MAP4K3: variants seen among roughly 807,000 people sequenced by gnomAD.
The protein encoded by MAP4K3 is MAPK/ERK kinase kinase kinase 3.
A neutral mutation model predicts 143.5 loss-of-function variants in MAP4K3; 94 were observed. That is an observed-to-expected ratio of 0.65 (90% CI 0.55 to 0.78). The LOEUF is 0.78. MAP4K3 is among the 30% of genes least tolerant of loss of function. MAP4K3 has a pLI of 0.00. For missense variants in MAP4K3, 1,077 were observed against 1,068.1 expected (o/e 1.01, Z -0.12); for synonymous variants, 416 against 347.2 (o/e 1.20, Z -2.20).
intron 3 of MAP4K3, 74 bp from the exon 4 acceptor site, chr2:39,343,526 G>T: frequency 8.2e-7 from 1 of 1,225,662 alleles, no homozygotes; most frequent in Non-Finnish European, 1.2e-6. Context: ...AGTATTTTAA[G>T]GTTGTAAGCT....
chr2:39,370,216 A>C (rs561576303), intron 2 of MAP4K3, among the ~76,000 whole-genome samples: 18 of 152,340 alleles, frequency 1.2e-4, no homozygotes, highest in African/African-American at 4.1e-4. Context: ...TCTCCAGCTC[A>C]GTCAGCCTCA....
At position 39,293,277 on chromosome 2, in the gene MAP4K3, A is replaced by T. The variant is rs1341440318; in HGVS notation, c.1179-9T>A. 3.3e-6 allele frequency: 5 copies of T among 1,497,676 alleles called. No homozygotes were observed. The highest frequency in any genetic ancestry group is 4.5e-6 in the Non-Finnish European group (5 of 1,104,342). 92.8% of individuals were successfully genotyped at this position (1,497,676 alleles called of 1,614,324 possible). A position where few individuals can be genotyped will look rare whatever the true frequency, so the allele number is the denominator to read the frequency against. On this transcript the variant is annotated splice_polypyrimidine_tract_variant and intron_variant, in intron 16 of 33. Transcript: ENST00000263881. ...CAGACTTGAGAAGACTCCTTAAAAG[A>T]AAAAACAAAAACAAAAAATAATGTG...
intron 21 of MAP4K3, 131 bp downstream of exon 21, chr2:39,286,721 T>C (rs943566665): frequency 1.2e-5 from 5 of 420,124 alleles, no homozygotes; most frequent in Non-Finnish European, 2.1e-5. Context: ...TTATAATTAA[T>C]ATACTAAAAT....
intron 26 of MAP4K3, among the ~76,000 whole-genome samples, chr2:39,271,358 G>C (rs1681010870): frequency 6.6e-6 from 1 of 152,156 alleles, no homozygotes; most frequent in Non-Finnish European, 1.5e-5. Flanking sequence ...ATTGAGAACA[G>C]CAGATTCTCA....
chr2:39,386,820 C>CTTTTTT (rs56011585), intron 1 of MAP4K3, among the ~76,000 whole-genome samples: 6 of 139,150 alleles, frequency 4.3e-5, no homozygotes, highest in East Asian at 4.2e-4. Context: ...TTTTGTTGTT[C>CTTTTTT]TTTTTTTTTT....
intron 16 of MAP4K3, among the ~76,000 whole-genome samples, chr2:39,295,840 T>C (rs1682259715): frequency 6.6e-6 from 1 of 150,908 alleles, no homozygotes; most frequent in Non-Finnish European, 1.5e-5. Flanking sequence ...TGCCTCAGCC[T>C]CCCGAGTAGC....
At chr2:39,427,333 A>G (rs1665120258) in intron 1 of MAP4K3, among the ~76,000 whole-genome samples, 1 of 152,092 alleles carries the variant, frequency 6.6e-6, no homozygotes, top group African/African-American at 2.4e-5. Context: ...AAAAGAAAGA[A>G]AAAAAATCCT....
intron 16 of MAP4K3, among the ~76,000 whole-genome samples, chr2:39,299,513 A>G (rs1682422633): frequency 6.6e-6 from 1 of 152,202 alleles, no homozygotes; most frequent in South Asian, 2.1e-4. Context: ...TTTCTCTAAC[A>G]TACAAGATCA....
chr2:39,345,747 G>A (rs996159397), intron 3 of MAP4K3, among the ~76,000 whole-genome samples: 2 of 151,760 alleles, frequency 1.3e-5, no homozygotes, highest in African/African-American at 4.8e-5. Context: ...GTGAAACCAC[G>A]TCTCTACTAA....
chr2:39,325,773 G>GT lies in MAP4K3; in HGVS notation c.763dup (p.Thr255AsnfsTer11). The stretch of plus-strand genomic sequence containing the variant: ...AGTAGGTCTTTTTTTCGGATTTTTG[G>GT]TAAGTGCCATTTTCACAAAGTGATG... On this transcript the variant is annotated frameshift_variant, in exon 11 of 34. Coordinates refer to ENST00000263881, the MANE Select transcript of MAP4K3 (RefSeq NM_003618.4). LOFTEE classifies it high-confidence loss of function. The GT allele has an allele frequency of 6.2e-7, 1 of 1,609,680 alleles. No homozygotes were observed. Among genetic ancestry groups the GT allele is most frequent in the Non-Finnish European group, 8.5e-7 (1 of 1,178,414 alleles).
chr2:39,390,145 G>C lies in MAP4K3; in HGVS notation c.97-12022C>G, dbSNP rs185839894. On this transcript the variant is annotated intron_variant, in intron 1 of 33. Transcript: ENST00000263881. The stretch of plus-strand genomic sequence containing the variant: ...CCATAAAAATGGAAAGGAGGTGTTT[G>C]GAAATGTGGAGGGACATTTACATTT... Among the ~76,000 whole-genome samples the C allele has an allele frequency of 4.6e-5, 7 of 152,264 alleles. No homozygotes were observed. In the East Asian group the frequency reaches 1.4e-3, roughly 29 times the overall value.
At chr2:39,414,683 G>C (rs1201457340) in intron 1 of MAP4K3, among the ~76,000 whole-genome samples, 2 of 152,104 alleles carry the variant, frequency 1.3e-5, no homozygotes, top group Non-Finnish European at 2.9e-5. Context: ...AGACCATCCT[G>C]GCTAACACGG....
intron 2 of MAP4K3, among the ~76,000 whole-genome samples, chr2:39,369,008 T>A (rs1016731215): frequency 1.3e-5 from 2 of 151,968 alleles, no homozygotes; most frequent in African/African-American, 4.8e-5. Flanking sequence ...ACCCCTTCCT[T>A]CCCTCTGCAC....
intron 13 of MAP4K3, among the ~76,000 whole-genome samples, chr2:39,314,028 C>A (rs1353820298): frequency 6.6e-6 from 1 of 152,106 alleles, no homozygotes; most frequent in African/African-American, 2.4e-5. Flanking sequence ...TGCAAGTCAC[C>A]TCTAATTACT....
At chr2:39,396,832 G>A (rs1313390943) in intron 1 of MAP4K3, among the ~76,000 whole-genome samples, 1 of 152,112 alleles carries the variant, frequency 6.6e-6, no homozygotes, top group Admixed American at 6.5e-5. Flanking sequence ...TACTAGCCCA[G>A]AAACAGCATC....
intron 1 of MAP4K3, among the ~76,000 whole-genome samples, chr2:39,395,442 C>T (rs1008758003): frequency 6.6e-6 from 1 of 152,048 alleles, no homozygotes; most frequent in Non-Finnish European, 1.5e-5. Context: ...GCTTTTTAAT[C>T]TGAAAAAGAA....
At chr2:39,284,324 G>C (rs955112262) in intron 21 of MAP4K3, among the ~76,000 whole-genome samples, 1 of 151,866 alleles carries the variant, frequency 6.6e-6, no homozygotes, top group Non-Finnish European at 1.5e-5. Context: ...ACCACACCCG[G>C]CTGTTTCTGT....
chr2:39,365,484 C>T (rs1260650532), intron 2 of MAP4K3, among the ~76,000 whole-genome samples: 1 of 132,128 alleles, frequency 7.6e-6, no homozygotes, highest in Non-Finnish European at 1.5e-5. Context: ...GTCGCCCAGG[C>T]CGGACTGCGG....
intron 13 of MAP4K3, 148 bp from the exon 14 acceptor site, chr2:39,309,667 C>T: frequency 1.9e-6 from 1 of 517,324 alleles, no homozygotes; most frequent in Non-Finnish European, 3.3e-6. Context: ...CCACCATTTC[C>T]CTGCCTCAGC....
Sources: gnomAD v4.1 joint callset for allele counts (sites outside exome capture counted in the v4.1 genomes callset) on GRCh38, gnomAD v4.1.1 for gene constraint, MANE v1.5 for transcripts, NCBI Gene and HGNC (gene_info 2026-07-23, HGNC 2026-07-21) for gene names.